The following SGMS1 variants were observed in gnomAD, a reference collection of about 807,000 sequenced individuals.
SGMS1 encodes sphingomyelin synthase 1.
SGMS1 carries 13 observed loss-of-function variants against 46.2 expected under a neutral mutation model. The observed-to-expected ratio is 0.28, with a 90% CI of 0.18 to 0.45. The LOEUF (loss-of-function observed/expected upper bound fraction) is 0.45, where lower values mean the gene tolerates loss of function less well. SGMS1 is among the 20% of genes least tolerant of loss of function. SGMS1 has a pLI of 1.00. For missense variants in SGMS1, 324 were observed against 519.9 expected (o/e 0.62, Z 3.66); for synonymous variants, 203 against 187.8 (o/e 1.08, Z -0.66).
At chr10:50,535,908 C>T (rs1837996612) in intron 2 of SGMS1, among the ~76,000 whole-genome samples, 1 of 152,174 alleles carries the variant, frequency 6.6e-6, no homozygotes, top group Non-Finnish European at 1.5e-5. Context: ...GAGCTTCAAA[C>T]TAGACAAATG....
intron 3 of SGMS1, among the ~76,000 whole-genome samples, chr10:50,508,289 G>C (rs16937786): frequency 1.3e-5 from 2 of 152,058 alleles, no homozygotes; most frequent in Non-Finnish European, 2.9e-5. Flanking sequence ...TGAGACTCAG[G>C]GGCCATAAGT....
At chr10:50,580,721 A>C (rs990458428) in intron 2 of SGMS1, among the ~76,000 whole-genome samples, 1 of 152,136 alleles carries the variant, frequency 6.6e-6, no homozygotes, top group Non-Finnish European at 1.5e-5. Flanking sequence ...AGTTCATGAA[A>C]ACAAAAAGTA....
chr10:50,599,268 C>G (rs2131906449), intron 1 of SGMS1, among the ~76,000 whole-genome samples: 1 of 152,330 alleles, frequency 6.6e-6, no homozygotes, highest in South Asian at 2.1e-4. Flanking sequence ...TGCATGTTGT[C>G]TGCATATCTT....
At chr10:50,566,352 G>C (rs59407251) in intron 2 of SGMS1, among the ~76,000 whole-genome samples, 6 of 152,026 alleles carry the variant, frequency 3.9e-5, no homozygotes, top group African/African-American at 1.4e-4. Context: ...AACCTCCTTT[G>C]TTTGTGAAAA....
At chr10:50,513,877 A>C (rs1006276795) in intron 3 of SGMS1, among the ~76,000 whole-genome samples, 11 of 152,310 alleles carry the variant, frequency 7.2e-5, no homozygotes, top group African/African-American at 2.4e-4. Context: ...ACCAGCAGAG[A>C]CTGTTCACAA....
intron 1 of SGMS1, among the ~76,000 whole-genome samples, chr10:50,596,134 G>A (rs1838589524): frequency 6.6e-6 from 1 of 151,544 alleles, no homozygotes; most frequent in Non-Finnish European, 1.5e-5. Context: ...AATTCAAGAT[G>A]GATGATTCAA....
intron 6 of SGMS1, among the ~76,000 whole-genome samples, chr10:50,400,896 G>A (rs1424751319): frequency 2.0e-5 from 3 of 152,258 alleles, no homozygotes; most frequent in South Asian, 4.1e-4. Context: ...CAAGGCCGGA[G>A]GGTTCCTGGG....
chr10:50,476,950 C>T (rs1279903983), intron 3 of SGMS1, among the ~76,000 whole-genome samples: 4 of 152,362 alleles, frequency 2.6e-5, no homozygotes, highest in African/African-American at 9.6e-5. Flanking sequence ...CATGGAGAAC[C>T]TCTACTAGGG....
chr10:50,470,585 A>G (rs1837369981), intron 3 of SGMS1, among the ~76,000 whole-genome samples: 1 of 151,994 alleles, frequency 6.6e-6, no homozygotes, highest in South Asian at 2.1e-4. Flanking sequence ...AGCAGCTGGT[A>G]TCACTGGTAG....
intron 1 of SGMS1, among the ~76,000 whole-genome samples, chr10:50,594,228 C>T (rs990514103): frequency 2.6e-5 from 4 of 152,182 alleles, no homozygotes; most frequent in Admixed American, 1.3e-4. Context: ...ATTAGTCACA[C>T]GACATCAGTA....
chr10:50,536,074 C>A (rs1439489014), intron 2 of SGMS1, among the ~76,000 whole-genome samples: 3 of 152,118 alleles, frequency 2.0e-5, no homozygotes, highest in Non-Finnish European at 1.5e-5. Context: ...GTGCTCATGC[C>A]TGTAATCCTA....
At chr10:50,595,403 C>T (rs1055983291) in intron 1 of SGMS1, among the ~76,000 whole-genome samples, 1 of 152,180 alleles carries the variant, frequency 6.6e-6, no homozygotes, top group Admixed American at 6.5e-5. Context: ...GTCTCAAACT[C>T]CTAACCTTAG....
At chr10:50,445,245 T>G (rs1180085571) in intron 5 of SGMS1, among the ~76,000 whole-genome samples, 1 of 152,206 alleles carries the variant, frequency 6.6e-6, no homozygotes, top group African/African-American at 2.4e-5. Flanking sequence ...GAGCATCTCA[T>G]AAGTTGCTGA....
intron 2 of SGMS1, among the ~76,000 whole-genome samples, chr10:50,588,756 G>A (rs1838511107): frequency 7.1e-6 from 1 of 140,564 alleles, no homozygotes; most frequent in African/African-American, 2.6e-5. Flanking sequence ...TTGAGACAGG[G>A]TCCCACTCTG....
intron 3 of SGMS1, among the ~76,000 whole-genome samples, chr10:50,494,689 A>G (rs1837595556): frequency 6.6e-6 from 1 of 152,150 alleles, no homozygotes; most frequent in South Asian, 2.1e-4. Flanking sequence ...TAGGCTTAAT[A>G]TCTGTGGGAT....
chr10:50,501,112 C>A (rs989438896), intron 3 of SGMS1, among the ~76,000 whole-genome samples: 1 of 152,154 alleles, frequency 6.6e-6, no homozygotes, highest in Non-Finnish European at 1.5e-5. Context: ...CATCCCATGT[C>A]ATCCTCTCCT....
intron 1 of SGMS1, among the ~76,000 whole-genome samples, chr10:50,610,674 T>G (rs1198618103): frequency 6.6e-6 from 1 of 152,170 alleles, no homozygotes; most frequent in Non-Finnish European, 1.5e-5. Context: ...ACCACAGCAG[T>G]AAAGCAAATG....
chr10:50,401,973 T>C (rs953288600), intron 6 of SGMS1, among the ~76,000 whole-genome samples: 1 of 152,252 alleles, frequency 6.6e-6, no homozygotes, highest in Non-Finnish European at 1.5e-5. Context: ...TGGACCAAAG[T>C]GGTACAAAAC....
chr10:50,458,043 T>C (rs1281047200), intron 5 of SGMS1, among the ~76,000 whole-genome samples: 1 of 152,144 alleles, frequency 6.6e-6, no homozygotes, highest in Non-Finnish European at 1.5e-5. Flanking sequence ...AGCAGACACA[T>C]CCAGTTCTCA....
Sources: allele counts gnomAD v4.1 joint callset (sites outside exome capture counted in the v4.1 genomes callset), GRCh38; gene constraint gnomAD v4.1.1; transcripts MANE v1.5; gene names NCBI Gene and HGNC (gene_info 2026-07-23, HGNC 2026-07-21).